Variants in SWT1 observed in about 807,000 individuals in gnomAD.
The protein encoded by SWT1 is transcriptional protein SWT1.
SWT1 carries 33 observed loss-of-function variants against 107.3 expected under a neutral mutation model. The ratio of observed to expected loss-of-function variants is 0.31; its 90% CI spans 0.23 to 0.41. The LOEUF (loss-of-function observed/expected upper bound fraction) is 0.41. Among genes scored for constraint, SWT1 ranks in the 10% least tolerant of loss-of-function variants. The pLI is 1.00. For missense variants in SWT1, 898 were observed against 1,028.9 expected, an observed-to-expected ratio of 0.87 and a Z score of 1.74; for synonymous variants, 345 against 348.3, an observed-to-expected ratio of 0.99 and a Z score of 0.11.
At chr1:185,173,750 C>T (rs1655300927) in intron 4 of SWT1, among the ~76,000 whole-genome samples, 1 of 151,268 alleles carries the variant, frequency 6.6e-6, no homozygotes, top group Non-Finnish European at 1.5e-5. Context: ...GGTACAGTGG[C>T]TCACACCTGT....
At chr1:185,209,707 T>C (rs1442081740) in intron 13 of SWT1, among the ~76,000 whole-genome samples, 1 of 152,178 alleles carries the variant, frequency 6.6e-6, no homozygotes, top group Non-Finnish European at 1.5e-5. Context: ...GTCTTTATGG[T>C]AGAATGATTT....
At chr1:185,204,947 T>G (rs1658210076) in intron 12 of SWT1, 84 bp downstream of exon 12, 1 of 726,458 alleles carries the variant, frequency 1.4e-6, no homozygotes, top group African/African-American at 1.8e-5. Flanking sequence ...TTGTATAAAA[T>G]GCATACGCTT....
At chr1:185,182,226 G>A (rs1571435203) in intron 7 of SWT1, 169 bp downstream of exon 7, 1 of 297,330 alleles carries the variant, frequency 3.4e-6, no homozygotes, top group East Asian at 1.7e-4. Context: ...TCCAATATTT[G>A]TCTTATTGGT....
chr1:185,275,955 C>G (rs1374092940), intron 17 of SWT1, among the ~76,000 whole-genome samples: 1 of 152,044 alleles, frequency 6.6e-6, no homozygotes, highest in African/African-American at 2.4e-5. Flanking sequence ...CTTACTGTTT[C>G]CTTTTACTAA....
At chr1:185,203,661 A>G (rs1031114123) in intron 11 of SWT1, among the ~76,000 whole-genome samples, 2 of 151,294 alleles carry the variant, frequency 1.3e-5, no homozygotes, top group Non-Finnish European at 3.0e-5. Context: ...CTATTATTTC[A>G]TTTTTTTTCA....
At chr1:185,219,077 C>G (rs1659436952) in intron 14 of SWT1, among the ~76,000 whole-genome samples, 1 of 152,124 alleles carries the variant, frequency 6.6e-6, no homozygotes, top group South Asian at 2.1e-4. Flanking sequence ...GATAAAATGT[C>G]TTTTCATTTA....
At chr1:185,236,270 AAGCAATCCT>A (rs1260724117) in intron 16 of SWT1, among the ~76,000 whole-genome samples, 7 of 152,160 alleles carry the variant, frequency 4.6e-5, no homozygotes, top group African/African-American at 1.7e-4. Flanking sequence ...AAAAAATCCT[AAGCAATCCT>A]AACAAAACTG....
intron 18 of SWT1, among the ~76,000 whole-genome samples, chr1:185,277,082 A>T (rs895853459): frequency 5.3e-5 from 8 of 152,164 alleles, no homozygotes; most frequent in Non-Finnish European, 1.2e-4. Context: ...TAAAAGTGAC[A>T]TTGTACATTT....
chr1:185,266,230 A>AT (rs58784373), intron 16 of SWT1, among the ~76,000 whole-genome samples: 4 of 151,654 alleles, frequency 2.6e-5, no homozygotes, highest in Non-Finnish European at 5.9e-5. Flanking sequence ...CGCCCAGCTA[A>AT]TTTTTTTGTA....
chr1:185,234,276 T>C (rs1031709551), intron 16 of SWT1, among the ~76,000 whole-genome samples: 5 of 152,206 alleles, frequency 3.3e-5, no homozygotes, highest in African/African-American at 1.2e-4. Flanking sequence ...CTCTAAGAAC[T>C]TGCTTTATGA....
Position 185,231,722 on chromosome 1 carries a change from T to G in SWT1, c.2441+14T>G. The G allele has an allele frequency of 6.3e-7, 1 of 1,584,224 alleles. No homozygotes were observed. Among genetic ancestry groups the G allele is most frequent in the Non-Finnish European group, 8.6e-7 (1 of 1,160,176 alleles). Reference sequence around the variant, plus strand: ...AGGAATTCAAAGGTAAACACTATATTAATTTTAAAGTGTTATTTACTTATT... The same window carrying G: ...AGGAATTCAAAGGTAAACACTATATGAATTTTAAAGTGTTATTTACTTATT... On this transcript the variant is annotated intron_variant, in intron 16 of 18. Coordinates refer to ENST00000367500, the MANE Select transcript of SWT1 (RefSeq NM_017673.7).
At chr1:185,239,278 G>A (rs144595989) in intron 16 of SWT1, among the ~76,000 whole-genome samples, 7 of 152,212 alleles carry the variant, frequency 4.6e-5, no homozygotes, top group African/African-American at 1.4e-4. Context: ...TTAGAAGAGT[G>A]TATGAAATGA....
chr1:185,185,707 T>A (rs1202267157), intron 9 of SWT1, among the ~76,000 whole-genome samples: 1 of 152,172 alleles, frequency 6.6e-6, no homozygotes, highest in Non-Finnish European at 1.5e-5. Context: ...AATTATGGTA[T>A]TAACTATGAG....
At chr1:185,256,382 A>G (rs910060497) in intron 16 of SWT1, among the ~76,000 whole-genome samples, 1 of 149,482 alleles carries the variant, frequency 6.7e-6, no homozygotes, top group South Asian at 2.1e-4. Flanking sequence ...GTGTTTTCCA[A>G]CTTGGTTCCA....
intron 4 of SWT1, among the ~76,000 whole-genome samples, chr1:185,168,643 G>A (rs1385177808): frequency 1.3e-5 from 2 of 152,172 alleles, no homozygotes; most frequent in African/African-American, 4.8e-5. Context: ...TTAATCTCAA[G>A]TGATTTGATT....
chr1:185,243,081 C>T (rs544613468), intron 16 of SWT1, among the ~76,000 whole-genome samples: 1 of 152,228 alleles, frequency 6.6e-6, no homozygotes, highest in South Asian at 2.1e-4. Flanking sequence ...AGAGTATACC[C>T]TATACTCTAG....
intron 2 of SWT1, among the ~76,000 whole-genome samples, chr1:185,166,341 C>A (rs1026717147): frequency 1.1e-4 from 16 of 152,216 alleles, no homozygotes; most frequent in Admixed American, 9.2e-4. Flanking sequence ...GCTTCCTGCT[C>A]TGATACCTAT....
rs1238564690 is a variant in SWT1, at chr1:185,168,434, T to G, written c.224+36T>G. 6.9e-6 allele frequency: 9 copies of G among 1,310,112 alleles called. No individual in the cohort carries two copies. In the African/African-American group the frequency reaches 1.4e-4, roughly 21 times the overall value. The allele number at this position is 1,310,112 out of a possible 1,614,324, so 81.2% of individuals were successfully genotyped here. ...CCTTTTTCTTTTTACTGTTTTGGTT[T>G]AGAATTATGAGACTAAATATTTGGA... On this transcript the variant is annotated intron_variant, in intron 4 of 18. Coordinates refer to ENST00000367500, the MANE Select transcript of SWT1 (RefSeq NM_017673.7).
Position 185,271,347 on chromosome 1 carries a change from T to C in SWT1, c.2466T>C (p.Tyr822=), listed in dbSNP as rs1663846041. 2 of 1,514,804 alleles carry C rather than the reference T, an allele frequency of 1.3e-6. No individual in the cohort carries two copies. Among genetic ancestry groups the C allele is most frequent in the East Asian group, 2.3e-5 (1 of 44,310 alleles). The allele number at this position is 1,514,804 out of a possible 1,614,324, so 93.8% of individuals were successfully genotyped here. The change falls in exon 17 of 19, where the codon TAT becomes TAC. Residue 822 remains tyrosine (Y), a synonymous_variant. Transcript: ENST00000367500. ...GGATTTTGGCCCCAAACAGTAATTA[T>C]CAAGATGTTGAGACCCTCTATAACT... ...IQRILAPNSN[Y]QDVETLYNFL...
Sources: allele counts gnomAD v4.1 joint callset (sites outside exome capture counted in the v4.1 genomes callset), GRCh38; gene constraint gnomAD v4.1.1; transcripts MANE v1.5; gene names NCBI Gene and HGNC (gene_info 2026-07-23, HGNC 2026-07-21).